MDGA1: variants seen among roughly 807,000 people sequenced by gnomAD.
The protein encoded by MDGA1 is MAM domain-containing glycosylphosphatidylinositol anchor protein 1.
In MDGA1, 54 loss-of-function variants were observed where a neutral mutation model predicts 101.5. The observed-to-expected ratio is 0.53, with a 90% CI of 0.43 to 0.67. The LOEUF (loss-of-function observed/expected upper bound fraction) is 0.67, where lower values mean the gene tolerates loss of function less well. MDGA1 is among the 30% of genes least tolerant of loss of function. The pLI is 0.00. For missense variants in MDGA1, 1,083 were observed against 1,323.8 expected, an observed-to-expected ratio of 0.82 and a Z score of 2.82; for synonymous variants, 533 against 558.3, an observed-to-expected ratio of 0.95 and a Z score of 0.64.
chr6:37,697,020 G>A lies in MDGA1; in HGVS notation c.-209C>T, dbSNP rs903719613. 1.3e-5 allele frequency: 7 copies of A among 540,342 alleles called. No homozygotes were observed. Among genetic ancestry groups the A allele is most frequent in the African/African-American group, 7.9e-5 (4 of 50,600 alleles). 33.5% of individuals were successfully genotyped at this position (540,342 alleles called of 1,614,324 possible). The stretch of plus-strand genomic sequence containing the variant: ...GCGGGGCCGCTGCCCGCGTGGGGAC[G>A]CAGGGGGCGCTGGCCCAGCCCCGGG... On this transcript the variant is annotated 5_prime_UTR_variant, in exon 1 of 17. Transcript: ENST00000434837.
At chr6:37,660,009 T>C (rs1201609290) in intron 2 of MDGA1, among the ~76,000 whole-genome samples, 1 of 150,446 alleles carries the variant, frequency 6.6e-6, no homozygotes, top group Non-Finnish European at 1.5e-5. Flanking sequence ...TTTTCAATTC[T>C]ACAAAATTCT....
Position 37,637,353 on chromosome 6 carries a change from G to T in MDGA1, c.*15C>A. The T allele has an allele frequency of 1.9e-6, 3 of 1,601,664 alleles. 1 individual carries two copies. In the South Asian group the frequency reaches 3.3e-5, roughly 18 times the overall value. On this transcript the variant is annotated 3_prime_UTR_variant, in exon 17 of 17. Transcript: ENST00000434837. ...TGCCGGGGGCAAGGTTGGGGGGGTG[G>T]CCACACAGCTCTCATCATCTCTGCA... is the stretch of plus-strand genomic sequence containing the variant.
intron 10 of MDGA1, among the ~76,000 whole-genome samples, chr6:37,646,607 A>C (rs1761204231): frequency 6.6e-6 from 1 of 152,164 alleles, no homozygotes; most frequent in South Asian, 2.1e-4. Flanking sequence ...CAAAAATCAT[A>C]ATTACCCCCA....
chr6:37,644,050 G>GCCCCGCGCATCCTGCCTCA, intron 13 of MDGA1, 107 bp from the exon 14 acceptor site: 2 of 1,413,412 alleles, frequency 1.4e-6, no homozygotes, highest in Non-Finnish European at 9.4e-7. Context: ...GAAGTGCCTC[G>GCCCCGCGCATCCTGCCTCA]CCCCACGCAT....
At chr6:37,689,827 C>G in intron 1 of MDGA1, among the ~76,000 whole-genome samples, 1 of 152,194 alleles carries the variant, frequency 6.6e-6, no homozygotes, top group East Asian at 1.9e-4. Context: ...AATGATGGTA[C>G]AATCTTGTGT....
intron 2 of MDGA1, among the ~76,000 whole-genome samples, chr6:37,661,042 T>C (rs547352690): frequency 5.9e-5 from 9 of 152,360 alleles, no homozygotes; most frequent in African/African-American, 2.2e-4. Context: ...TACATTTTTA[T>C]CCACACCCTG....
In MDGA1 at chr6:37,697,670, C is replaced by A. The variant is rs1762449714; in HGVS notation, c.-859G>T. 1 of 151,380 alleles carries A rather than the reference C, an allele frequency of 6.6e-6. No individual in the cohort carries two copies. The highest frequency in any genetic ancestry group is 2.4e-5 in the African/African-American group (1 of 41,254). The allele number at this position is 151,380 out of a possible 1,614,324, so 9.4% of individuals were successfully genotyped here. A position where few individuals can be genotyped will look rare whatever the true frequency, so the allele number is the denominator to read the frequency against. ...CTCCGCTCGCCGCGCTCCTCTCCCG[C>A]CGTCTGGCCGCGGCCGTAGCCCTCC... On this transcript the variant is annotated 5_prime_UTR_variant, in exon 1 of 17. Coordinates refer to ENST00000434837, the MANE Select transcript of MDGA1 (RefSeq NM_153487.4).
intron 1 of MDGA1, 63 bp from the exon 2 acceptor site, chr6:37,664,169 G>C: frequency 6.2e-7 from 1 of 1,600,738 alleles, no homozygotes; most frequent in South Asian, 1.1e-5. Flanking sequence ...AGAAGTCTGG[G>C]GCTCCCTCCT....
In MDGA1 at chr6:37,645,964, A is replaced by G; in HGVS notation, c.2225-8T>C. The G allele has an allele frequency of 6.2e-7, 1 of 1,614,014 alleles. No homozygotes were observed. The highest frequency in any genetic ancestry group is 8.5e-7 in the Non-Finnish European group (1 of 1,179,888). On this transcript the variant is annotated splice_region_variant and splice_polypyrimidine_tract_variant and intron_variant, in intron 11 of 16. Coordinates refer to ENST00000434837, the MANE Select transcript of MDGA1 (RefSeq NM_153487.4). The stretch of plus-strand genomic sequence containing the variant: ...GGTTCGGAGAGTTGATGGCTGAGAA[A>G]GCAAGCGGGGAAACCAAGTCAGAAC...
chr6:37,648,527 T>C (rs1268982948), intron 9 of MDGA1: 1 of 173,294 alleles, frequency 5.8e-6, no homozygotes, highest in Non-Finnish European at 1.2e-5. Context: ...AGCCCAGACG[T>C]GGCTTGGATG....
intron 1 of MDGA1, among the ~76,000 whole-genome samples, chr6:37,681,327 C>G (rs12529108): frequency 6.6e-6 from 1 of 152,078 alleles, no homozygotes; most frequent in Non-Finnish European, 1.5e-5. Context: ...GCCCCTGCCC[C>G]CCCTCTTCAG....
intron 1 of MDGA1, among the ~76,000 whole-genome samples, chr6:37,683,418 G>C (rs1282675120): frequency 6.6e-6 from 1 of 152,190 alleles, no homozygotes; most frequent in Non-Finnish European, 1.5e-5. Flanking sequence ...CCATGGCTTA[G>C]GCAAGATGTA....
At chr6:37,662,733 T>C (rs1366618987) in intron 2 of MDGA1, among the ~76,000 whole-genome samples, 1 of 151,636 alleles carries the variant, frequency 6.6e-6, no homozygotes, top group Admixed American at 6.6e-5. Context: ...GCCTGGGTGG[T>C]AGAACGAATG....
At chr6:37,682,810 G>A (rs1041987407) in intron 1 of MDGA1, among the ~76,000 whole-genome samples, 11 of 152,106 alleles carry the variant, frequency 7.2e-5, no homozygotes, top group African/African-American at 2.4e-4. Flanking sequence ...TTAATCTCAG[G>A]TCCCAGTTAT....
chr6:37,648,845 G>T (rs1450112860), intron 9 of MDGA1, 137 bp downstream of exon 9: 1 of 1,394,272 alleles, frequency 7.2e-7, no homozygotes, highest in Non-Finnish European at 9.3e-7. Context: ...TGGAAAGGCC[G>T]GGGCTAAGCC....
rs187232871 is a variant in MDGA1 at position 37,652,369 on chromosome 6, T to C, written c.983-29A>G. The C allele has an allele frequency of 9.6e-6, 15 of 1,554,654 alleles. No individual in the cohort carries two copies. In the African/African-American group the frequency reaches 1.8e-4, roughly 18 times the overall value. ...TGAGTGGATGGGGAGGGAAGGGTAG[T>C]TGGGGTTGGCCTGACTCCAGGGGTC... On this transcript the variant is annotated intron_variant, in intron 6 of 16. Transcript: ENST00000434837. The surrounding 1 kb of genome is among the most constrained non-coding windows in gnomAD (Gnocchi z 4.3).
At chr6:37,691,501 C>T (rs1020087614) in intron 1 of MDGA1, among the ~76,000 whole-genome samples, 1 of 152,144 alleles carries the variant, frequency 6.6e-6, no homozygotes, top group Admixed American at 6.5e-5. Context: ...ACAAAAGGAT[C>T]CCTGAAAAAA....
intron 1 of MDGA1, among the ~76,000 whole-genome samples, chr6:37,691,579 C>T (rs537300735): frequency 1.7e-4 from 26 of 152,206 alleles, no homozygotes; most frequent in African/African-American, 6.3e-4. Context: ...TTATGTATTC[C>T]TTGATTGTTT....
intron 2 of MDGA1, among the ~76,000 whole-genome samples, chr6:37,662,245 G>A (rs369042788): frequency 5.9e-5 from 9 of 151,790 alleles, no homozygotes; most frequent in East Asian, 3.9e-4. Flanking sequence ...CGGTCCAAGC[G>A]ACAGGACTGA....
Sources: gnomAD v4.1 joint callset for allele counts (sites outside exome capture counted in the v4.1 genomes callset) on GRCh38, gnomAD v4.1.1 for gene constraint, Gnocchi (gnomAD v3.1) non-coding constraint, MANE v1.5 for transcripts, NCBI Gene and HGNC (gene_info 2026-07-23, HGNC 2026-07-21) for gene names.